Variants in BCKDHB observed in about 807,000 individuals in gnomAD.
The protein encoded by BCKDHB is branched chain keto acid dehydrogenase E1 subunit beta, also known as 2-oxoisovalerate dehydrogenase subunit beta, mitochondrial.
BCKDHB carries 41 observed loss-of-function variants against 48.5 expected under a neutral mutation model. The observed-to-expected ratio is 0.85, with a 90% CI of 0.66 to 1.10. The LOEUF is 1.10. Among genes scored for constraint, BCKDHB ranks in the 50% least tolerant of loss-of-function variants. The probability of loss-of-function intolerance (pLI) is 0.00; values close to 1 mark genes in which losing one functional copy is unlikely to be tolerated. For missense variants in BCKDHB, 496 were observed against 494.2 expected (o/e 1.00, Z -0.03); for synonymous variants, 201 against 174.8 (o/e 1.15, Z -1.18).
intron 3 of BCKDHB, among the ~76,000 whole-genome samples, chr6:80,148,765 T>A: frequency 6.6e-6 from 1 of 152,154 alleles, no homozygotes; most frequent in Non-Finnish European, 1.5e-5. Flanking sequence ...TGGCTAGCCA[T>A]ATGTAGAAAG....
At chr6:80,184,998 G>A (rs1773576879) in intron 6 of BCKDHB, among the ~76,000 whole-genome samples, 2 of 152,130 alleles carry the variant, frequency 1.3e-5, no homozygotes, top group African/African-American at 4.8e-5. Flanking sequence ...CAAGGACAGG[G>A]AAGTTTTTCT....
At position 80,163,371 on chromosome 6, in the gene BCKDHB, A is replaced by G. The variant is rs79086673; in HGVS notation, c.344-4307A>G. Among the ~76,000 whole-genome samples, 480 of 150,868 alleles carry G rather than the reference A, an allele frequency of 3.2e-3. 7 individuals carry two copies. The East Asian group carries it at 0.048, about 15-fold the overall frequency. On this transcript the variant is annotated intron_variant, in intron 3 of 9. Transcript: ENST00000320393. ...AGAAACGGTCATGTTAAGGTCACCA[A>G]TGATAAAATCCTCAGTCCTCATCTC...
At chr6:80,234,370 T>C (rs1044805158) in intron 8 of BCKDHB, among the ~76,000 whole-genome samples, 1 of 152,082 alleles carries the variant, frequency 6.6e-6, no homozygotes, top group Non-Finnish European at 1.5e-5. Context: ...TTCTTGGCTA[T>C]TATCACAGAT....
chr6:80,373,292 T>C, the BCKDHB span, among the ~76,000 whole-genome samples: 18 of 151,692 alleles, frequency 1.2e-4, no homozygotes, highest in Non-Finnish European at 2.4e-4. Context: ...TCGGTTGACA[T>C]ATCTCCTGTT....
At chr6:80,381,486 G>T in the BCKDHB span, among the ~76,000 whole-genome samples, 1 of 151,966 alleles carries the variant, frequency 6.6e-6, no homozygotes, top group Non-Finnish European at 1.5e-5. Flanking sequence ...CACAGTTTTT[G>T]TTTTTCATTA....
intron 1 of BCKDHB, among the ~76,000 whole-genome samples, chr6:80,113,219 T>C (rs80343675): frequency 1.3e-5 from 2 of 152,188 alleles, no homozygotes; most frequent in African/African-American, 4.8e-5. Context: ...GTAAGGATCA[T>C]GGACTATAGC....
chr6:80,227,644 A>G (rs1482597468), intron 8 of BCKDHB, among the ~76,000 whole-genome samples: 1 of 152,202 alleles, frequency 6.6e-6, no homozygotes, highest in African/African-American at 2.4e-5. Flanking sequence ...TACTTGAGTA[A>G]CCTGAGCTGC....
Position 80,343,880 on chromosome 6 carries a change from C to T in BCKDHB, c.*76C>T, listed in dbSNP as rs762618692. ...TAACGTACTGTTAACCAAGACACAG[C>T]AATCATCAGTGTTTTGATGGTAACA... On this transcript the variant is annotated 3_prime_UTR_variant, in exon 10 of 10. Transcript: ENST00000320393. The T allele has an allele frequency of 5.9e-5, 91 of 1,536,244 alleles. No homozygotes were observed. The African/African-American group carries it at 6.0e-4, about 10-fold the overall frequency.
At chr6:80,158,285 G>C (rs946196542) in intron 3 of BCKDHB, among the ~76,000 whole-genome samples, 7 of 152,220 alleles carry the variant, frequency 4.6e-5, no homozygotes, top group African/African-American at 1.7e-4. Flanking sequence ...ATTTGTTTCT[G>C]GTTGATTTTT....
chr6:80,344,374 TCTCA>T lies in BCKDHB; in HGVS notation c.*574_*577del, dbSNP rs1770086487. On this transcript the variant is annotated 3_prime_UTR_variant, in exon 10 of 10. Coordinates refer to ENST00000320393, the MANE Select transcript of BCKDHB (RefSeq NM_183050.4). Reference sequence around the variant, plus strand: ...TTTTTTTTTTTTTTTTGAGACCGAGTCTCACTCTGTCACCAGGCTGGAGTGCAGT... The same window carrying T: ...TTTTTTTTTTTTTTTTGAGACCGAGTCTCTGTCACCAGGCTGGAGTGCAGT... 1 of 153,042 alleles carries T rather than the reference TCTCA, an allele frequency of 6.5e-6. No individual in the cohort carries two copies. Among genetic ancestry groups the T allele is most frequent in the African/African-American group, 2.6e-5 (1 of 38,784 alleles). The allele number at this position is 153,042 out of a possible 1,614,324, so 9.5% of individuals were successfully genotyped here. A position where few individuals can be genotyped will look rare whatever the true frequency, so the allele number is the denominator to read the frequency against.
Position 80,345,679 on chromosome 6 carries a change from G to A in BCKDHB, c.*1875G>A, listed in dbSNP as rs7759304. ...GCATCTACAATAAATCACACTTAGAGCTGGTTAGAGGACTCCTTCACTTTT... is the reference window on the plus strand; with the variant it reads ...GCATCTACAATAAATCACACTTAGAACTGGTTAGAGGACTCCTTCACTTTT... On this transcript the variant is annotated 3_prime_UTR_variant, in exon 10 of 10. Transcript: ENST00000320393. 0.78 allele frequency: 118,237 copies of A among 152,140 alleles called. 46,300 individuals carry two copies. The highest frequency in any genetic ancestry group is 0.84 in the Admixed American group (12,776 of 15,298). 9.4% of individuals were successfully genotyped at this position (152,140 alleles called of 1,614,324 possible). A position where few individuals can be genotyped will look rare whatever the true frequency, so the allele number is the denominator to read the frequency against.
intron 9 of BCKDHB, among the ~76,000 whole-genome samples, chr6:80,299,440 A>G (rs534855638): frequency 6.6e-6 from 1 of 152,254 alleles, no homozygotes; most frequent in East Asian, 1.9e-4. Context: ...CATCTGGGTC[A>G]CCAGAAAGAT....
chr6:80,156,584 G>T (rs559254187), intron 3 of BCKDHB, among the ~76,000 whole-genome samples: 1 of 152,172 alleles, frequency 6.6e-6, no homozygotes, highest in Admixed American at 6.5e-5. Context: ...ATTCAATATG[G>T]CTGTGATACC....
chr6:80,372,524 T>C, the BCKDHB span, among the ~76,000 whole-genome samples: 1 of 152,138 alleles, frequency 6.6e-6, no homozygotes, highest in Non-Finnish European at 1.5e-5. Flanking sequence ...CTTATCTTGT[T>C]CTAGTTCTCA....
chr6:80,389,843 T>A, the BCKDHB span, among the ~76,000 whole-genome samples: 1 of 152,106 alleles, frequency 6.6e-6, no homozygotes, highest in Non-Finnish European at 1.5e-5. Flanking sequence ...GTTTCTCCTA[T>A]AACCAGGATT....
chr6:80,177,577 T>G (rs1426655085), intron 6 of BCKDHB, among the ~76,000 whole-genome samples: 1 of 152,000 alleles, frequency 6.6e-6, no homozygotes, highest in East Asian at 1.9e-4. Flanking sequence ...TCAGCAAAAT[T>G]TTGCTGATAA....
chr6:80,257,663 A>G (rs898094175), intron 8 of BCKDHB, among the ~76,000 whole-genome samples: 2 of 151,944 alleles, frequency 1.3e-5, no homozygotes, highest in African/African-American at 4.8e-5. Flanking sequence ...GCTGGTAGAG[A>G]GGCTCAGACT....
the BCKDHB span, among the ~76,000 whole-genome samples, chr6:80,371,710 A>G: frequency 3.9e-5 from 6 of 152,050 alleles, no homozygotes; most frequent in Non-Finnish European, 8.8e-5. Flanking sequence ...TGGCTTGTCA[A>G]TTATCCCAGC....
At position 80,129,613 on chromosome 6, in the gene BCKDHB, A is replaced by AAG. The variant is rs372069217; in HGVS notation, c.343+401_343+402dup. On this transcript the variant is annotated intron_variant, in intron 3 of 9. Transcript: ENST00000320393. ...TATTAGCAAACTTTATCTTTTCGGG[A>AAG]AGAGAGAGAGAGAGAGAGGGAGAGG... is the stretch of plus-strand genomic sequence containing the variant. Among the ~76,000 whole-genome samples the AAG allele has an allele frequency of 2.9e-3, 440 of 149,682 alleles. 1 individual carries two copies. The highest frequency in any genetic ancestry group is 9.5e-3 in the African/African-American group (388 of 40,952).
Sources: allele counts gnomAD v4.1 joint callset (sites outside exome capture counted in the v4.1 genomes callset), GRCh38; gene constraint gnomAD v4.1.1; transcripts MANE v1.5; gene names NCBI Gene and HGNC (gene_info 2026-07-23, HGNC 2026-07-21).